The following LTF variants were observed in gnomAD, a reference collection of about 807,000 sequenced individuals.
LTF encodes the protein epididymis luminal protein 110.
Under a neutral mutation model 87.2 loss-of-function variants are expected in LTF, and 91 were observed. The observed-to-expected ratio is 1.04, with a 90% CI of 0.88 to 1.24. The LOEUF (loss-of-function observed/expected upper bound fraction) is 1.24, where lower values mean the gene tolerates loss of function less well. Among genes scored for constraint, LTF ranks in the 50% most tolerant of loss-of-function variants. The pLI, the probability that LTF is intolerant of heterozygous loss-of-function variation, is 0.00. For missense variants in LTF, 901 were observed against 904.3 expected, an observed-to-expected ratio of 1.00 and a Z score of 0.05; for synonymous variants, 378 against 356.1, an observed-to-expected ratio of 1.06 and a Z score of -0.69.
At position 46,436,247 on chromosome 3, in the gene LTF, G is replaced by T; in HGVS notation, c.2099-18C>A. ...CAGGAGGGCTGTGGGACACAACAGA[G>T]CAAGAGATTCAGAAACTGATTTCTT... On this transcript the variant is annotated intron_variant, in intron 16 of 16. Transcript: ENST00000231751. The T allele has an allele frequency of 6.2e-7, 1 of 1,612,270 alleles. No individual in the cohort carries two copies. The highest frequency in any genetic ancestry group is 8.5e-7 in the Non-Finnish European group (1 of 1,178,286).
chr3:46,464,802 C>G (rs773121260), intron 1 of LTF, 23 bp downstream of exon 1: 9 of 1,613,358 alleles, frequency 5.6e-6, no homozygotes, highest in Non-Finnish European at 6.8e-6. Context: ...AGGCGGCTCG[C>G]GCCCCCAGGC....
At chr3:46,465,011 C>A, upstream of LTF, 1 of 774,784 alleles carries the variant, frequency 1.3e-6, no homozygotes, top group Non-Finnish European at 2.2e-6. Context: ...TCTACTTGTT[C>A]CTTGAGGATC....
Position 46,439,471 on chromosome 3 carries a change from T to C in LTF, c.1733A>G (p.Asn578Ser), listed in dbSNP as rs1383877348. 4.4e-6 allele frequency: 7 copies of C among 1,605,858 alleles called. No individual in the cohort carries two copies. Among genetic ancestry groups the C allele is most frequent in the African/African-American group, 1.3e-5 (1 of 74,698 alleles). Residue 578 changes from asparagine (N) to serine (S), a missense_variant, in exon 15 of 17, where the codon AAT (asparagine) becomes AGT (serine). Transcript: ENST00000231751. ...CTTCAAATCCTTAGCCCATGCCTCA[T>C]TGTTATTTCCTGGGGAGAAAAAGAA... ...TVLQNTDGNN[N>S]EAWAKDLKLA...
intron 1 of LTF, among the ~76,000 whole-genome samples, chr3:46,482,594 AG>A (rs66668940): frequency 0.035 from 4,568 of 128,956 alleles, 1,193 homozygotes; most frequent in East Asian, 0.062. Context: ...GGAGAAAGAG[AG>A]AGAAAGAAAG....
intron 3 of LTF, 47 bp downstream of exon 3, chr3:46,456,243 C>A: frequency 6.7e-7 from 1 of 1,494,704 alleles, no homozygotes; most frequent in Non-Finnish European, 9.3e-7. Context: ...CAGCTCAGGG[C>A]ACAGGCTGAG....
rs149459794 is a variant in LTF, at chr3:46,455,948, A to C, written c.347T>G (p.Val116Gly). 2 of 1,607,186 alleles carry C rather than the reference A, an allele frequency of 1.2e-6. No individual in the cohort carries two copies. The highest frequency in any genetic ancestry group is 1.1e-5 in the South Asian group (1 of 89,916). ...QPRTHYYAVA[V>G]VKKGGSFQLN... ...CTGAAAGCTGCCGCCCTTCTTCACC[A>C]CAGCCACGGCATAATAGTGAGTTCG... The change falls in exon 4 of 17, where the codon GTG (valine) becomes GGG (glycine). Residue 116 changes from valine (V) to glycine (G), a missense_variant. Physicochemically the swap from Val to Gly is moderately radical, Grantham distance 109. Coordinates refer to ENST00000231751, the MANE Select transcript of LTF (RefSeq NM_002343.6).
At position 46,459,643 on chromosome 3, in the gene LTF, G is replaced by A. The variant is rs183723151; in HGVS notation, c.207+13C>T. The A allele has an allele frequency of 2.0e-4, 289 of 1,428,434 alleles. 1 individual carries two copies. The highest frequency in any genetic ancestry group is 5.5e-4 in the South Asian group (33 of 60,540). The allele number at this position is 1,428,434 out of a possible 1,614,324, so 88.5% of individuals were successfully genotyped here. ...TTCAGCTTGGTCCCAACCAACACCC[G>A]GCATTGACTCACCGCAATGGCCTGG... On this transcript the variant is annotated intron_variant, in intron 2 of 16. Transcript: ENST00000231751.
Position 46,456,388 on chromosome 3 carries a change from GC to G in LTF, c.217del (p.Ala73ProfsTer4). Reference protein sequence around the residue: ...QCIQAIAENRADAVTLDGGFI... With the variant: ...QCIQAIAENRXDAVTLDGGFI... ...ACCACCATCAAGGGTCACAGCATCG[GC>G]CCTGTTTTCCTGAAAGTAAAGAGGC... is the stretch of plus-strand genomic sequence containing the variant. On this transcript the variant is annotated frameshift_variant, in exon 3 of 17. Transcript: ENST00000231751. LOFTEE classifies it high-confidence loss of function. The G allele has an allele frequency of 1.2e-6, 2 of 1,613,982 alleles. No individual in the cohort carries two copies. The highest frequency in any genetic ancestry group is 1.7e-6 in the Non-Finnish European group (2 of 1,179,868).
intron 4 of LTF, 132 bp from the exon 5 acceptor site, chr3:46,455,574 C>T: frequency 8.1e-7 from 1 of 1,240,200 alleles, no homozygotes; most frequent in East Asian, 2.5e-5. Context: ...TGTCATGGGG[C>T]TGGGAGCTCG....
chr3:46,437,943 A>T lies in LTF; in HGVS notation c.2095T>A (p.Ser699Thr), dbSNP rs924120560. The stretch of plus-strand genomic sequence containing the variant: ...ATGCTAGCTAGGGTCTACTTACGGG[A>T]GGTTGAGCACTTTTTCAGATTAGTA... ...GITNLKKCSTSPLLEACEFLR... is the reference protein window; with the variant it reads ...GITNLKKCSTTPLLEACEFLR... Residue 699 changes from serine (S) to threonine (T), a missense_variant, in exon 16 of 17, where the codon TCC becomes ACC. Physicochemically the swap from Ser to Thr is moderately conservative, Grantham distance 58 (BLOSUM62 1). Coordinates refer to ENST00000231751, the MANE Select transcript of LTF (RefSeq NM_002343.6). 4.3e-6 allele frequency: 7 copies of T among 1,613,484 alleles called. No homozygotes were observed. The highest frequency in any genetic ancestry group is 5.9e-6 in the Non-Finnish European group (7 of 1,179,796).
rs760842849 is a variant in LTF, at chr3:46,436,155, G to A, written c.*40C>T. ...GGAGAAGAGCTGGGGGCAGTGAATG[G>A]CTGAGGCTTTCTTGGGGAGCTGGGC... On this transcript the variant is annotated 3_prime_UTR_variant, in exon 17 of 17. Coordinates refer to ENST00000231751, the MANE Select transcript of LTF (RefSeq NM_002343.6). 4.3e-6 allele frequency: 7 copies of A among 1,611,080 alleles called. No homozygotes were observed. Among genetic ancestry groups the A allele is most frequent in the South Asian group, 1.1e-5 (1 of 90,994 alleles).
At chr3:46,450,740 T>C (rs1702783949) in intron 6 of LTF, 67 bp from the exon 7 acceptor site, 3 of 1,302,110 alleles carry the variant, frequency 2.3e-6, no homozygotes, top group Non-Finnish European at 3.3e-6. Context: ...CGAGCTATAG[T>C]TCCCCTTCTC....
chr3:46,454,113 G>T (rs960913932), intron 6 of LTF, 192 bp downstream of exon 6: 5 of 606,202 alleles, frequency 8.2e-6, no homozygotes, highest in African/African-American at 3.7e-5. Context: ...GAAGAGAAAG[G>T]CAGTAGGCAC....
At chr3:46,462,776 G>A (rs1035481369) in intron 1 of LTF, among the ~76,000 whole-genome samples, 10 of 152,234 alleles carry the variant, frequency 6.6e-5, no homozygotes, top group African/African-American at 2.4e-4. Context: ...GTGGAGAGAG[G>A]GGACAGCACT....
intron 6 of LTF, among the ~76,000 whole-genome samples, chr3:46,451,735 C>T (rs977420879): frequency 6.6e-6 from 1 of 152,164 alleles, no homozygotes. Flanking sequence ...GCTGGGACCA[C>T]AAGCGCACGC....
Position 46,439,295 on chromosome 3 carries a change from C to T in LTF, c.1908+1G>A. On this transcript the variant is annotated splice_donor_variant, in intron 15 of 16. Transcript: ENST00000231751. LOFTEE classifies it high-confidence loss of function. ...AGCACTAGAAGCCCTGTGGTCCATA[C>T]CTGTTGGTGGAGCAACACCTGTTTC... The T allele has an allele frequency of 6.2e-7, 1 of 1,609,082 alleles. No homozygotes were observed. Among genetic ancestry groups the T allele is most frequent in the African/African-American group, 1.3e-5 (1 of 74,914 alleles).
intron 1 of LTF, chr3:46,470,584 T>A (rs1703270125): frequency 6.6e-6 from 1 of 152,272 alleles, no homozygotes; most frequent in South Asian, 2.1e-4. Context: ...CATCCCCAGC[T>A]CTTCCAGGCT....
intron 6 of LTF, among the ~76,000 whole-genome samples, chr3:46,451,590 G>C (rs771724900): frequency 6.6e-6 from 1 of 151,894 alleles, no homozygotes; most frequent in Non-Finnish European, 1.5e-5. Context: ...AGATAGAATC[G>C]GTAAAGTTTT....
Position 46,435,910 on chromosome 3 carries a change from C to G in LTF, c.*285G>C, listed in dbSNP as rs930454040. The stretch of plus-strand genomic sequence containing the variant: ...ACTGCAAGAAAGAGGAGGGGCTGGA[C>G]CTGAAAAACTTGGAAGGGAAGGTCC... On this transcript the variant is annotated 3_prime_UTR_variant, in exon 17 of 17. Coordinates refer to ENST00000231751, the MANE Select transcript of LTF (RefSeq NM_002343.6). The G allele has an allele frequency of 8.8e-6, 4 of 456,892 alleles. No homozygotes were observed. The highest frequency in any genetic ancestry group is 3.7e-5 in the Admixed American group (1 of 26,836). 28.3% of individuals were successfully genotyped at this position (456,892 alleles called of 1,614,324 possible).
Sources: allele counts gnomAD v4.1 joint callset (sites outside exome capture counted in the v4.1 genomes callset), GRCh38; gene constraint gnomAD v4.1.1; transcripts MANE v1.5; gene names NCBI Gene and HGNC (gene_info 2026-07-23, HGNC 2026-07-21).